INPP4A: variants seen among roughly 807,000 people sequenced by gnomAD.
The protein encoded by INPP4A is inositol polyphosphate-4-phosphatase type I A.
In INPP4A, 33 loss-of-function variants were observed where a neutral mutation model predicts 119.8. The observed-to-expected ratio is 0.28, with a 90% CI of 0.21 to 0.37. The LOEUF is 0.37. INPP4A is among the 10% of genes least tolerant of loss of function. The probability of loss-of-function intolerance (pLI) is 1.00; values close to 1 mark genes in which losing one functional copy is unlikely to be tolerated. For synonymous variants in INPP4A, 496 were observed against 500.7 expected (o/e 0.99, Z 0.12); for missense variants, 956 against 1,289.9 (o/e 0.74, Z 3.97).
intron 1 of INPP4A, among the ~76,000 whole-genome samples, chr2:98,487,470 A>C (rs1679791799): frequency 6.6e-6 from 1 of 152,148 alleles, no homozygotes; most frequent in Admixed American, 6.5e-5. Flanking sequence ...GGACTCAAGC[A>C]ATTAGCCTGC....
chr2:98,529,949 G>C (rs1422913854), intron 4 of INPP4A, among the ~76,000 whole-genome samples: 2 of 152,130 alleles, frequency 1.3e-5, no homozygotes, highest in Non-Finnish European at 2.9e-5. Flanking sequence ...GAAGAGATAT[G>C]ACAGATTTGG....
In INPP4A at chr2:98,564,773, C is replaced by T. The variant is rs575035844; in HGVS notation, c.2152+10C>T. 1 of 1,574,052 alleles carries T rather than the reference C, an allele frequency of 6.4e-7. No individual in the cohort carries two copies. Among genetic ancestry groups the T allele is most frequent in the East Asian group, 2.3e-5 (1 of 42,724 alleles). On this transcript the variant is annotated intron_variant, in intron 19 of 24. Transcript: ENST00000409851. ...CTGCTGAGCACCTACGGTGAGGCGC[C>T]CGGGCCAGGATCGGGAGCCCCACTT...
At chr2:98,494,705 G>C (rs1002339594) in intron 1 of INPP4A, among the ~76,000 whole-genome samples, 1 of 152,168 alleles carries the variant, frequency 6.6e-6, no homozygotes, top group African/African-American at 2.4e-5. Context: ...CAGAGACCAG[G>C]AAAGAGACAG....
intron 24 of INPP4A, among the ~76,000 whole-genome samples, chr2:98,584,604 G>A (rs1025695882): frequency 6.6e-6 from 1 of 152,384 alleles, no homozygotes; most frequent in South Asian, 2.1e-4. Flanking sequence ...CTGCCCATGT[G>A]GGCTTGGCCC....
At chr2:98,500,708 A>G (rs963880739) in intron 1 of INPP4A, among the ~76,000 whole-genome samples, 3 of 152,188 alleles carry the variant, frequency 2.0e-5, no homozygotes, top group Admixed American at 6.5e-5. Context: ...TTCTTGCTAA[A>G]CTGGCCAGGA....
At chr2:98,493,354 A>G (rs956835075) in intron 1 of INPP4A, among the ~76,000 whole-genome samples, 1 of 151,276 alleles carries the variant, frequency 6.6e-6, no homozygotes, top group African/African-American at 2.4e-5. Context: ...CATGATACTA[A>G]GTTTTCCTCT....
intron 24 of INPP4A, among the ~76,000 whole-genome samples, chr2:98,579,731 C>G (rs974431338): frequency 4.6e-5 from 7 of 152,284 alleles, no homozygotes. Flanking sequence ...GCAGCATTCC[C>G]TCCACCCTGC....
chr2:98,544,251 G>C (rs1692071414), intron 11 of INPP4A, among the ~76,000 whole-genome samples: 1 of 152,226 alleles, frequency 6.6e-6, no homozygotes, highest in Non-Finnish European at 1.5e-5. Flanking sequence ...GAATTGCAGT[G>C]AAGAGTCCTC....
At chr2:98,556,089 T>C (rs1575068932) in intron 16 of INPP4A, 2 of 400,742 alleles carry the variant, frequency 5.0e-6, no homozygotes, top group East Asian at 7.5e-5. Context: ...AGGGTTGGGC[T>C]CCTGGGCTTT....
intron 21 of INPP4A, among the ~76,000 whole-genome samples, chr2:98,568,232 C>T (rs549000080): frequency 1.6e-4 from 24 of 152,226 alleles, no homozygotes; most frequent in African/African-American, 5.5e-4. Context: ...TGCCGTCCCC[C>T]CTCCTAAGTG....
At chr2:98,462,584 G>A (rs1673811366) in intron 1 of INPP4A, among the ~76,000 whole-genome samples, 1 of 150,978 alleles carries the variant, frequency 6.6e-6, no homozygotes, top group African/African-American at 2.4e-5. Flanking sequence ...GGAGTGTAGT[G>A]GCAGGATCAT....
chr2:98,513,385 T>G (rs1685498179), intron 1 of INPP4A, among the ~76,000 whole-genome samples: 1 of 152,230 alleles, frequency 6.6e-6, no homozygotes, highest in African/African-American at 2.4e-5. Context: ...CTCATACCTG[T>G]TTTATCATTT....
At chr2:98,527,818 A>G (rs1688453617) in intron 4 of INPP4A, among the ~76,000 whole-genome samples, 1 of 152,252 alleles carries the variant, frequency 6.6e-6, no homozygotes, top group Non-Finnish European at 1.5e-5. Flanking sequence ...CAGTGGCCAC[A>G]CATGACAAAG....
intron 24 of INPP4A, among the ~76,000 whole-genome samples, chr2:98,585,094 T>C (rs1032253298): frequency 1.3e-5 from 2 of 152,358 alleles, no homozygotes; most frequent in Middle Eastern, 3.4e-3. Context: ...TGGATGGTCT[T>C]ATAAAATTGT....
chr2:98,459,889 A>C (rs1431800834), intron 1 of INPP4A, among the ~76,000 whole-genome samples: 1 of 152,204 alleles, frequency 6.6e-6, no homozygotes, highest in Non-Finnish European at 1.5e-5. Flanking sequence ...GAGGAGAAGG[A>C]GGGGAGACCA....
chr2:98,572,398 C>T (rs1321814569), intron 22 of INPP4A, among the ~76,000 whole-genome samples: 3 of 152,214 alleles, frequency 2.0e-5, no homozygotes, highest in African/African-American at 4.8e-5. Context: ...TGATCCCTCC[C>T]AAGGTTTCCA....
At chr2:98,531,721 G>C (rs369108508) in intron 4 of INPP4A, among the ~76,000 whole-genome samples, 5 of 152,170 alleles carry the variant, frequency 3.3e-5, no homozygotes, top group Non-Finnish European at 7.3e-5. Context: ...TGACTACTTA[G>C]AGAACATTTC....
chr2:98,492,937 C>A (rs1359353265), intron 1 of INPP4A, among the ~76,000 whole-genome samples: 1 of 152,188 alleles, frequency 6.6e-6, no homozygotes, highest in African/African-American at 2.4e-5. Context: ...GCACCTCCTA[C>A]ATGACAGAGC....
intron 1 of INPP4A, among the ~76,000 whole-genome samples, chr2:98,494,089 C>T (rs1681411498): frequency 6.6e-6 from 1 of 152,196 alleles, no homozygotes; most frequent in Non-Finnish European, 1.5e-5. Flanking sequence ...CCTGCTCCTT[C>T]CTTCTCTTTT....
Sources: gnomAD v4.1 joint callset for allele counts (sites outside exome capture counted in the v4.1 genomes callset) on GRCh38, gnomAD v4.1.1 for gene constraint, MANE v1.5 for transcripts, NCBI Gene and HGNC (gene_info 2026-07-23, HGNC 2026-07-21) for gene names.